The following SYDE2 variants were observed in gnomAD, a reference collection of about 807,000 sequenced individuals.
SYDE2 encodes synapse defective Rho GTPase homolog 2.
SYDE2 carries 76 observed loss-of-function variants against 91.5 expected under a neutral mutation model. That is an observed-to-expected ratio of 0.83 (90% CI 0.69 to 1.01). SYDE2 has a LOEUF of 1.01. Among genes scored for constraint, SYDE2 ranks in the 50% least tolerant of loss-of-function variants. The probability of loss-of-function intolerance (pLI) is 0.00; values close to 1 mark genes in which losing one functional copy is unlikely to be tolerated. For missense variants in SYDE2, 1,364 were observed against 1,367.7 expected (o/e 1.00, Z 0.04); for synonymous variants, 513 against 506.4 (o/e 1.01, Z -0.18).
At chr1:85,195,861 A>C (rs928375920) in intron 1 of SYDE2, among the ~76,000 whole-genome samples, 2 of 152,156 alleles carry the variant, frequency 1.3e-5, no homozygotes, top group African/African-American at 4.8e-5. Flanking sequence ...ATAACAAGTA[A>C]GTGCTAGGCA....
At chr1:85,178,332 T>C in intron 3 of SYDE2, 60 bp from the exon 4 acceptor site, 1 of 1,438,374 alleles carries the variant, frequency 7.0e-7, no homozygotes, top group Non-Finnish European at 9.4e-7. Flanking sequence ...TATAATTGCA[T>C]TATAGATCAC....
intron 4 of SYDE2, among the ~76,000 whole-genome samples, chr1:85,171,407 CGA>C (rs972501878): frequency 2.0e-5 from 3 of 151,628 alleles, no homozygotes; most frequent in African/African-American, 7.3e-5. Context: ...GGGGATGGGG[CGA>C]GAGGAGAGTG....
At chr1:85,191,486 G>A (rs776592324) in intron 1 of SYDE2, among the ~76,000 whole-genome samples, 6 of 152,082 alleles carry the variant, frequency 3.9e-5, no homozygotes, top group African/African-American at 7.2e-5. Context: ...CAGGCCCTGC[G>A]CAGTGGCTAA....
chr1:85,201,011 G>C lies in SYDE2; in HGVS notation c.-15C>G, dbSNP rs1658820812. The stretch of plus-strand genomic sequence containing the variant: ...AGGTCGTGCATGGCCTGGATCAGCA[G>C]ATAATAGGCCTCTCGCAACTGGGTC... On this transcript the variant is annotated 5_prime_UTR_variant, in exon 1 of 7. In the 5' UTR this introduces an upstream ATG that the reference lacks. Coordinates refer to ENST00000341460, the MANE Select transcript of SYDE2 (RefSeq NM_032184.2). 1 of 1,281,502 alleles carries C rather than the reference G, an allele frequency of 7.8e-7. No homozygotes were observed. Among genetic ancestry groups the C allele is most frequent in the African/African-American group, 1.5e-5 (1 of 65,532 alleles). 79.4% of individuals were successfully genotyped at this position (1,281,502 alleles called of 1,614,324 possible). A position where few individuals can be genotyped will look rare whatever the true frequency, so the allele number is the denominator to read the frequency against.
intron 4 of SYDE2, among the ~76,000 whole-genome samples, chr1:85,174,510 T>G (rs1256546600): frequency 6.6e-6 from 1 of 152,206 alleles, no homozygotes; most frequent in Non-Finnish European, 1.5e-5. Context: ...AAAATGAGAA[T>G]CATTCTCTCA....
chr1:85,164,588 G>T lies in SYDE2; in HGVS notation c.3023C>A (p.Ala1008Glu). ...GTGTTTTTTAAAATCCAAAGCACTT[G>T]CAAGTTCTTCTGAATCAGTAAAGAC... ...NRVFTDSEEL[A>E]SALDFKKHIE... Residue 1008 changes from alanine to glutamate, a missense_variant, in exon 6 of 7, where the codon GCA becomes GAA. Physicochemically the swap from Ala to Glu is moderately radical, Grantham distance 107. Transcript: ENST00000341460. 1 of 1,608,212 alleles carries T rather than the reference G, an allele frequency of 6.2e-7. No individual in the cohort carries two copies. The highest frequency in any genetic ancestry group is 1.1e-5 in the South Asian group (1 of 89,436).
chr1:85,164,786 A>G, intron 5 of SYDE2, 29 bp from the exon 6 acceptor site: 1 of 1,257,976 alleles, frequency 7.9e-7, no homozygotes, highest in Non-Finnish European at 1.0e-6. Flanking sequence ...CAATTAATAT[A>G]GTCATAAAGA....
chr1:85,191,335 A>G (rs1353495048), intron 1 of SYDE2, among the ~76,000 whole-genome samples: 2 of 152,216 alleles, frequency 1.3e-5, no homozygotes, highest in Admixed American at 6.5e-5. Flanking sequence ...AAATCCCTTC[A>G]GAAGGCCCCA....
intron 3 of SYDE2, chr1:85,181,111 T>TTA (rs1657899369): frequency 6.6e-6 from 1 of 150,548 alleles, no homozygotes. Context: ...TTGAGATGTG[T>TTA]TATCTCTTAG....
chr1:85,176,637 A>C (rs1455217330), intron 4 of SYDE2, among the ~76,000 whole-genome samples: 1 of 152,202 alleles, frequency 6.6e-6, no homozygotes, highest in East Asian at 1.9e-4. Flanking sequence ...ACATTACAGC[A>C]AGAAAAAAAT....
downstream of SYDE2, among the ~76,000 whole-genome samples, chr1:85,155,009 C>CAA: frequency 0.16 from 12,880 of 80,286 alleles, 840 homozygotes; most frequent in East Asian, 0.24. Context: ...AAGAATGCAG[C>CAA]AAAAAAAAAA....
At chr1:85,159,851 C>A (rs1557739099) in intron 6 of SYDE2, 1 of 982,720 alleles carries the variant, frequency 1.0e-6, no homozygotes. Flanking sequence ...GCATTATCTA[C>A]TATCTTCATT....
intron 2 of SYDE2, among the ~76,000 whole-genome samples, chr1:85,186,222 A>C (rs1483361523): frequency 6.6e-6 from 1 of 152,198 alleles, no homozygotes; most frequent in East Asian, 1.9e-4. Context: ...GCATTTTTGC[A>C]TCAATGTTCA....
intron 1 of SYDE2, among the ~76,000 whole-genome samples, chr1:85,198,916 A>C (rs1023286016): frequency 6.6e-6 from 1 of 152,216 alleles, no homozygotes; most frequent in Admixed American, 6.5e-5. Flanking sequence ...CCTCTCAACA[A>C]AGAATTTACA....
Position 85,200,771 on chromosome 1 carries a change from T to C in SYDE2, c.226A>G (p.Thr76Ala). 2 of 1,519,432 alleles carry C rather than the reference T, an allele frequency of 1.3e-6. No individual in the cohort carries two copies. The highest frequency in any genetic ancestry group is 1.8e-6 in the Non-Finnish European group (2 of 1,139,134). 94.1% of individuals were successfully genotyped at this position (1,519,432 alleles called of 1,614,324 possible). A position where few individuals can be genotyped will look rare whatever the true frequency, so the allele number is the denominator to read the frequency against. Residue 76 changes from threonine to alanine, a missense_variant, in exon 1 of 7, where the codon ACT becomes GCT. Physicochemically the swap from Thr to Ala is moderately conservative, Grantham distance 58. Coordinates refer to ENST00000341460, the MANE Select transcript of SYDE2 (RefSeq NM_032184.2). Reference sequence around the variant, plus strand: ...CTGCAGGACGGCCGCATCCGAGGAGTCCGCAGCTGGCCTCCCCGCGGCTCC... The same window carrying C: ...CTGCAGGACGGCCGCATCCGAGGAGCCCGCAGCTGGCCTCCCCGCGGCTCC... ...QREPRGGQLR[T>A]PRMRPSCSRS...
intron 3 of SYDE2, among the ~76,000 whole-genome samples, chr1:85,180,139 G>A (rs1252305993): frequency 6.6e-6 from 1 of 152,122 alleles, no homozygotes; most frequent in Admixed American, 6.5e-5. Context: ...GGTGGTAGTA[G>A]CACTCAAAGC....
Position 85,183,096 on chromosome 1 carries a change from A to G in SYDE2, c.1546T>C (p.Leu516=). ...VKKGSSINWS[L]PDKIKSPRTV... is the part of the protein sequence containing the mutation. Reference sequence around the variant, plus strand: ...CGTGGAGATTTTATTTTATCTGGCAATGACCAATTAATTGAACTGCCTTTT... The same window carrying G: ...CGTGGAGATTTTATTTTATCTGGCAGTGACCAATTAATTGAACTGCCTTTT... Residue 516 remains leucine (L), a synonymous_variant, in exon 3 of 7, where the codon TTG becomes CTG. Transcript: ENST00000341460. 1 of 1,613,412 alleles carries G rather than the reference A, an allele frequency of 6.2e-7. No homozygotes were observed.
At position 85,183,085 on chromosome 1, in the gene SYDE2, T is replaced by C. The variant is rs943328716; in HGVS notation, c.1557A>G (p.Lys519=). ...TCCTCACAGTTCGTGGAGATTTTAT[T>C]TTATCTGGCAATGACCAATTAATTG... ...GSSINWSLPD[K]IKSPRTVRKL... The change falls in exon 3 of 7, where the codon AAA becomes AAG. Residue 519 remains lysine (K), a synonymous_variant. Transcript: ENST00000341460. 3.1e-6 allele frequency: 5 copies of C among 1,613,616 alleles called. No homozygotes were observed. The highest frequency in any genetic ancestry group is 4.2e-6 in the Non-Finnish European group (5 of 1,179,780).
intron 3 of SYDE2, among the ~76,000 whole-genome samples, chr1:85,179,228 G>T (rs1261639158): frequency 6.6e-6 from 1 of 152,114 alleles, no homozygotes; most frequent in Admixed American, 6.6e-5. Flanking sequence ...ACTATTTAAA[G>T]ACAGAAATAA....
Sources: gnomAD v4.1 joint callset for allele counts (sites outside exome capture counted in the v4.1 genomes callset) on GRCh38, gnomAD v4.1.1 for gene constraint, MANE v1.5 for transcripts, NCBI Gene and HGNC (gene_info 2026-07-23, HGNC 2026-07-21) for gene names.